Variants in TRABD observed in about 807,000 individuals in gnomAD.
TRABD encodes traB domain-containing protein.
A neutral mutation model predicts 39.6 loss-of-function variants in TRABD; 23 were observed. The ratio of observed to expected loss-of-function variants is 0.58; its 90% CI spans 0.42 to 0.82. TRABD has a LOEUF of 0.82. TRABD is among the 40% of genes least tolerant of loss of function. The probability of loss-of-function intolerance (pLI) is 0.00; values close to 1 mark genes in which losing one functional copy is unlikely to be tolerated. For missense variants in TRABD, 487 were observed against 544.9 expected (o/e 0.89, Z 1.06); for synonymous variants, 243 against 232.1 (o/e 1.05, Z -0.43).
intron 1 of TRABD, chr22:50,190,533 C>T (rs568418520): frequency 6.6e-6 from 1 of 152,500 alleles, no homozygotes; most frequent in Admixed American, 6.5e-5. Context: ...ACGTGGGCGC[C>T]TCCTGTTGGC....
Position 50,197,940 on chromosome 22 carries a change from A to C in TRABD, c.789A>C (p.Leu263=). 6.2e-7 allele frequency: 1 copy of C among 1,612,844 alleles called. No homozygotes were observed. Among genetic ancestry groups the C allele is most frequent in the Non-Finnish European group, 8.5e-7 (1 of 1,179,904 alleles). ...RTIVSERDVY[L]TYMLRQAARR... ...TCGTCTCGGAGCGCGACGTCTACCT[A>C]ACCTACATGCTGCGCCAGGCCGCGC... The change falls in exon 8 of 10, where the codon CTA becomes CTC. Residue 263 remains leucine, a synonymous_variant. Transcript: ENST00000380909.
chr22:50,189,704 C>T (rs748056162), intron 1 of TRABD, among the ~76,000 whole-genome samples: 4 of 151,022 alleles, frequency 2.6e-5, no homozygotes, highest in African/African-American at 9.8e-5. Flanking sequence ...GGCCGGACCC[C>T]AGGTGATGCT....
chr22:50,198,881 C>T lies in TRABD; in HGVS notation c.*362C>T. Reference sequence around the variant, plus strand: ...GGGACAATGGCCACTGTCCCTACCTCACTGTGCCTTCCTGTGCTCCGGCCA... The same window carrying T: ...GGGACAATGGCCACTGTCCCTACCTTACTGTGCCTTCCTGTGCTCCGGCCA... On this transcript the variant is annotated 3_prime_UTR_variant, in exon 10 of 10. Coordinates refer to ENST00000380909, the MANE Select transcript of TRABD (RefSeq NM_001320485.2). The surrounding 1 kb of genome is among the most constrained non-coding windows in gnomAD (Gnocchi z 7.9). 1 of 566,910 alleles carries T rather than the reference C, an allele frequency of 1.8e-6. No homozygotes were observed. Among genetic ancestry groups the T allele is most frequent in the South Asian group, 2.1e-5 (1 of 48,146 alleles). The allele number at this position is 566,910 out of a possible 1,614,324, so 35.1% of individuals were successfully genotyped here. A position where few individuals can be genotyped will look rare whatever the true frequency, so the allele number is the denominator to read the frequency against.
At position 50,198,047 on chromosome 22, in the gene TRABD, G is replaced by A; in HGVS notation, c.845-28G>A. The A allele has an allele frequency of 1.2e-6, 2 of 1,611,924 alleles. No homozygotes were observed. The highest frequency in any genetic ancestry group is 1.3e-5 in the African/African-American group (1 of 75,004). ...CCCCTGTGAGGCTGAGGCCCGAGCA[G>A]GTACTGACCCCTTGTCCTTCCCCAC... is the stretch of plus-strand genomic sequence containing the variant. On this transcript the variant is annotated intron_variant, in intron 8 of 9. Coordinates refer to ENST00000380909, the MANE Select transcript of TRABD (RefSeq NM_001320485.2). The surrounding 1 kb of genome is among the most constrained non-coding windows in gnomAD (Gnocchi z 7.9).
intron 1 of TRABD, among the ~76,000 whole-genome samples, chr22:50,189,275 G>T (rs5771217): frequency 0.35 from 53,717 of 152,128 alleles, 9,658 homozygotes; most frequent in South Asian, 0.47. Flanking sequence ...GCAGGTTCCC[G>T]CCTTAAACGG....
At chr22:50,186,498 G>C (rs1219313267) in intron 1 of TRABD, among the ~76,000 whole-genome samples, 1 of 152,166 alleles carries the variant, frequency 6.6e-6, no homozygotes, top group Non-Finnish European at 1.5e-5. Context: ...CGGCCTCGCG[G>C]GAAGGCGCGG....
rs1277371503 is a variant in TRABD, at chr22:50,198,088, G to A, written c.858G>A (p.Lys286=). Residue 286 remains lysine, a synonymous_variant, in exon 9 of 10, where the codon AAG becomes AAA. Coordinates refer to ENST00000380909, the MANE Select transcript of TRABD (RefSeq NM_001320485.2). This position sits in a 1 kb window ranked among gnomAD's most constrained non-coding sequence, Gnocchi z 7.9. ...LPRASDAEPR[K]CVPSVVVGVV... ...CCTTCCCCACAGCCGAGCCCAGGAA[G>A]TGCGTCCCCTCCGTGGTCGTGGGCG... 1 of 1,612,754 alleles carries A rather than the reference G, an allele frequency of 6.2e-7. No homozygotes were observed. The highest frequency in any genetic ancestry group is 1.7e-5 in the Admixed American group (1 of 59,968).
At chr22:50,196,582 C>T (rs1015119459) in intron 5 of TRABD, among the ~76,000 whole-genome samples, 7 of 152,236 alleles carry the variant, frequency 4.6e-5, no homozygotes, top group African/African-American at 1.7e-4. Flanking sequence ...GCTGTGCTGA[C>T]CTCAGCAGGC....
At chr22:50,191,638 C>T (rs1569080436) in intron 1 of TRABD, 1 of 152,280 alleles carries the variant, frequency 6.6e-6, no homozygotes, top group East Asian at 1.9e-4. Flanking sequence ...CAAGCCCCGT[C>T]GTTTCCTCGC....
intron 4 of TRABD, 58 bp from the exon 5 acceptor site, chr22:50,194,842 C>A: frequency 6.3e-7 from 1 of 1,578,752 alleles, no homozygotes; most frequent in Non-Finnish European, 8.6e-7. Flanking sequence ...CTGGCGTCAG[C>A]TGTGCTGAGG....
At position 50,198,193 on chromosome 22, in the gene TRABD, G is replaced by A. The variant is rs372036424; in HGVS notation, c.956+7G>A. On this transcript the variant is annotated splice_region_variant and intron_variant, in intron 9 of 9. Coordinates refer to ENST00000380909, the MANE Select transcript of TRABD (RefSeq NM_001320485.2). The surrounding 1 kb of genome is among the most constrained non-coding windows in gnomAD (Gnocchi z 7.9). ...ACATCCAGGAGATCATGACGTGAGTGCCCGCCCCTCCCTGCAAGCCCCACC... is the reference window on the plus strand; with the variant it reads ...ACATCCAGGAGATCATGACGTGAGTACCCGCCCCTCCCTGCAAGCCCCACC... 275 of 1,600,636 alleles carry A rather than the reference G, an allele frequency of 1.7e-4. No individual in the cohort carries two copies. The highest frequency in any genetic ancestry group is 1.6e-4 in the Middle Eastern group (1 of 6,068).
At position 50,198,180 on chromosome 22, in the gene TRABD, T is replaced by C. The variant is rs770385224; in HGVS notation, c.950T>C (p.Ile317Thr). 1 of 1,609,460 alleles carries C rather than the reference T, an allele frequency of 6.2e-7. No individual in the cohort carries two copies. Among genetic ancestry groups the C allele is most frequent in the African/African-American group, 1.3e-5 (1 of 74,716 alleles). Residue 317 changes from isoleucine to threonine, a missense_variant, in exon 9 of 10, where the codon ATC (isoleucine) becomes ACC (threonine). Physicochemically the swap from Ile to Thr is moderately conservative, Grantham distance 89. Coordinates refer to ENST00000380909, the MANE Select transcript of TRABD (RefSeq NM_001320485.2). This position sits in a 1 kb window ranked among gnomAD's most constrained non-coding sequence, Gnocchi z 7.9. ...AGCACCGACCTCAACATCCAGGAGA[T>C]CATGACGTGAGTGCCCGCCCCTCCC... ...NWSTDLNIQE[I>T]MTVPPPSVSG... is the part of the protein sequence containing the mutation.
chr22:50,197,448 GGCCAGCAA>G lies in TRABD; in HGVS notation c.533_540del (p.Ala178GlyfsTer10). On this transcript the variant is annotated frameshift_variant and splice_region_variant, in exon 7 of 10. Transcript: ENST00000380909. LOFTEE classifies it high-confidence loss of function. The stretch of plus-strand genomic sequence containing the variant: ...TCCCCAACACCCAGCCTCTGCTCCA[GGCCAGCAA>G]GGTGCCTTTCTGCAAGTTCCACCTG... 6.2e-7 allele frequency: 1 copy of G among 1,613,784 alleles called. No individual in the cohort carries two copies. The highest frequency in any genetic ancestry group is 8.5e-7 in the Non-Finnish European group (1 of 1,179,984).
chr22:50,188,575 G>T (rs561115995), intron 1 of TRABD, among the ~76,000 whole-genome samples: 18 of 152,194 alleles, frequency 1.2e-4, no homozygotes, highest in African/African-American at 4.3e-4. Flanking sequence ...GCTGCGTGGC[G>T]TCTCTTCCAG....
In TRABD at chr22:50,198,121, C is replaced by T. The variant is rs368497819; in HGVS notation, c.891C>T (p.Gly297=). 2.3e-5 allele frequency: 37 copies of T among 1,612,752 alleles called. No homozygotes were observed. The African/African-American group carries it at 4.3e-4, about 19-fold the overall frequency. The change falls in exon 9 of 10, where the codon GGC becomes GGT. Residue 297 remains glycine (G), a synonymous_variant. Coordinates refer to ENST00000380909, the MANE Select transcript of TRABD (RefSeq NM_001320485.2). This position sits in a 1 kb window ranked among gnomAD's most constrained non-coding sequence, Gnocchi z 7.9. ...CCTCCGTGGTCGTGGGCGTCGTGGG[C>T]ATGGGCCACGTGCCTGGCATCGAGA... ...CVPSVVVGVV[G]MGHVPGIEKN...
Position 50,197,948 on chromosome 22 carries a change from T to C in TRABD, c.797T>C (p.Met266Thr). 1 of 1,612,848 alleles carries C rather than the reference T, an allele frequency of 6.2e-7. No individual in the cohort carries two copies. The change falls in exon 8 of 10, where the codon ATG becomes ACG. Residue 266 changes from methionine to threonine, a missense_variant. Around this residue, in one of 3 missense-constraint regions of TRABD, gnomAD observed 358 missense variants for 414.7 expected, o/e 0.86. Transcript: ENST00000380909. ...GAGCGCGACGTCTACCTAACCTACA[T>C]GCTGCGCCAGGCCGCGCGGCGCCTC... ...VSERDVYLTY[M>T]LRQAARRLEL...
chr22:50,197,763 A>AGGGCCCCCCCCCCCCCCCCCCGG, intron 7 of TRABD, 60 bp from the exon 8 acceptor site: 1 of 1,439,778 alleles, frequency 6.9e-7, no homozygotes, highest in Non-Finnish European at 9.7e-7. Flanking sequence ...CCACAGTGCC[A>AGGGCCCCCCCCCCCCCCCCCCGG]GCCCCACCCC....
At chr22:50,192,797 T>C (rs2341367) in intron 1 of TRABD, among the ~76,000 whole-genome samples, 120,872 of 151,978 alleles carry the variant, frequency 0.8, 48,882 homozygotes, top group African/African-American at 0.94. Context: ...CTGCGTTTGG[T>C]TTATGCTGGG....
At position 50,198,686 on chromosome 22, in the gene TRABD, A is replaced by G. The variant is rs1217201405; in HGVS notation, c.*167A>G. ...CAGTCACCCCTCCCCCAGCCCACCC[A>G]AATAAAGGATTATTTAACTGTCTGA... On this transcript the variant is annotated 3_prime_UTR_variant, in exon 10 of 10. Coordinates refer to ENST00000380909, the MANE Select transcript of TRABD (RefSeq NM_001320485.2). The surrounding 1 kb of genome is among the most constrained non-coding windows in gnomAD (Gnocchi z 7.9). The G allele has an allele frequency of 6.3e-6, 4 of 630,528 alleles. No homozygotes were observed. The highest frequency in any genetic ancestry group is 1.0e-5 in the Non-Finnish European group (4 of 389,416). The allele number at this position is 630,528 out of a possible 1,614,324, so 39.1% of individuals were successfully genotyped here. A position where few individuals can be genotyped will look rare whatever the true frequency, so the allele number is the denominator to read the frequency against.
Sources: allele counts gnomAD v4.1 joint callset (sites outside exome capture counted in the v4.1 genomes callset), GRCh38; gene constraint gnomAD v4.1.1; regional missense constraint gnomAD v4.1.1; non-coding constraint Gnocchi (gnomAD v3.1); transcripts MANE v1.5; gene names NCBI Gene and HGNC (gene_info 2026-07-23, HGNC 2026-07-21).